The following KIF26B variants were observed in gnomAD, a reference collection of about 807,000 sequenced individuals.
The protein encoded by KIF26B is kinesin-like protein KIF26B.
A neutral mutation model predicts 151.2 loss-of-function variants in KIF26B; 63 were observed. The observed-to-expected ratio is 0.42, with a 90% CI of 0.34 to 0.51. The LOEUF is 0.51. KIF26B is among the 20% of genes least tolerant of loss of function. KIF26B has a pLI of 0.07. For missense variants in KIF26B, 2,813 were observed against 2,913.6 expected (o/e 0.97, Z 0.79); for synonymous variants, 1,357 against 1,262.1 (o/e 1.08, Z -1.59).
rs557892036 is a variant in KIF26B at position 245,556,224 on chromosome 1, CTCT to C, written c.1350+15289_1350+15291del. 2.3e-3 allele frequency among the ~76,000 whole-genome samples: 352 copies of C among 150,260 alleles called. 3 individuals are homozygous for C. The South Asian group carries it at 0.032, about 14-fold the overall frequency. The stretch of plus-strand genomic sequence containing the variant: ...CAATCTCTTCTTCTTCCTCCTCCTC[CTCT>C]TCTTCTTCTTCTTCCTCCTTCTTCC... On this transcript the variant is annotated intron_variant, in intron 5 of 14. Transcript: ENST00000407071.
At chr1:245,662,551 GATAT>G in intron 10 of KIF26B, among the ~76,000 whole-genome samples, 1 of 77,134 alleles carries the variant, frequency 1.3e-5, no homozygotes, top group South Asian at 4.9e-4. Flanking sequence ...CACACCCAAT[GATAT>G]ATATATACAC....
At chr1:245,661,599 A>G (rs2044140037) in intron 10 of KIF26B, among the ~76,000 whole-genome samples, 1 of 151,432 alleles carries the variant, frequency 6.6e-6, no homozygotes, top group Admixed American at 6.6e-5. Flanking sequence ...ATATATATAC[A>G]CCCAATGATA....
chr1:245,255,957 A>G (rs1227222176), intron 2 of KIF26B, among the ~76,000 whole-genome samples: 1 of 152,188 alleles, frequency 6.6e-6, no homozygotes, highest in Non-Finnish European at 1.5e-5. Flanking sequence ...CTTCCTTGAG[A>G]AGTAGAAATG....
Position 245,156,387 on chromosome 1 carries a change from G to A in KIF26B, c.169G>A (p.Glu57Lys). Residue 57 changes from glutamate to lysine, a missense_variant, in exon 2 of 15, where the codon GAG (glutamate) becomes AAG (lysine). Physicochemically the swap from Glu to Lys is moderately conservative, Grantham distance 56. Transcript: ENST00000407071. The stretch of plus-strand genomic sequence containing the variant: ...GCGCGCCGGCAGCCGGCCCACTCCT[G>A]AGGGCGCGGGCTCAGCGCTCGGCTC... ...ESRAGSRPTP[E>K]GAGSALGSSG... The A allele has an allele frequency of 6.5e-7, 1 of 1,542,054 alleles. No homozygotes were observed. Among genetic ancestry groups the A allele is most frequent in the Non-Finnish European group, 8.7e-7 (1 of 1,144,262 alleles).
At chr1:245,207,501 T>TA (rs1205426513) in intron 2 of KIF26B, among the ~76,000 whole-genome samples, 1 of 152,136 alleles carries the variant, frequency 6.6e-6, no homozygotes. Context: ...GATAAGGACT[T>TA]ACAAGGGACT....
intron 2 of KIF26B, among the ~76,000 whole-genome samples, chr1:245,346,924 C>A (rs969297272): frequency 6.6e-6 from 1 of 152,198 alleles, no homozygotes; most frequent in Non-Finnish European, 1.5e-5. Context: ...AGTTTGGAGT[C>A]CTTGATTATC....
intron 2 of KIF26B, among the ~76,000 whole-genome samples, chr1:245,224,626 T>C (rs1367728896): frequency 1.3e-5 from 2 of 152,230 alleles, no homozygotes; most frequent in Non-Finnish European, 2.9e-5. Context: ...TCCCAATAAC[T>C]AACAATTTTT....
At chr1:245,648,286 T>G (rs2043975350) in intron 10 of KIF26B, among the ~76,000 whole-genome samples, 1 of 152,220 alleles carries the variant, frequency 6.6e-6, no homozygotes, top group Non-Finnish European at 1.5e-5. Flanking sequence ...CATGAAATTA[T>G]TTTTAATTTA....
At chr1:245,191,050 A>G (rs1669099028) in intron 2 of KIF26B, among the ~76,000 whole-genome samples, 2 of 113,344 alleles carry the variant, frequency 1.8e-5, no homozygotes, top group South Asian at 7.4e-4. Flanking sequence ...CAAGAGCAAG[A>G]CTCTGTCTCA....
chr1:245,609,079 GT>G (rs2103151867), intron 7 of KIF26B, among the ~76,000 whole-genome samples, 186 bp from the exon 8 acceptor site: 1 of 152,250 alleles, frequency 6.6e-6, no homozygotes, highest in East Asian at 1.9e-4. Context: ...TAGCCATTTA[GT>G]TAGTAATACC....
chr1:245,338,142 T>G (rs1426473430), intron 2 of KIF26B, among the ~76,000 whole-genome samples: 1 of 152,184 alleles, frequency 6.6e-6, no homozygotes. Context: ...CGCTGAATCA[T>G]CAAAAGCTTG....
Position 245,564,399 on chromosome 1 carries a change from TGTTTG to T in KIF26B, c.1350+23450_1350+23454del. ...CGGAGCAGGAACGGGGCCACGGCCG[TGTTTG>T]CATTTTCTGAACCCAGGATGGTGCC... On this transcript the variant is annotated intron_variant, in intron 5 of 14. Coordinates refer to ENST00000407071, the MANE Select transcript of KIF26B (RefSeq NM_018012.4). This position sits in a 1 kb window ranked among gnomAD's most constrained non-coding sequence, Gnocchi z 4.6. Among the ~76,000 whole-genome samples, 1 of 147,258 alleles carries T rather than the reference TGTTTG, an allele frequency of 6.8e-6. No homozygotes were observed. The highest frequency in any genetic ancestry group is 1.9e-4 in the East Asian group (1 of 5,188).
At chr1:245,627,487 T>C (rs1011137235) in intron 9 of KIF26B, among the ~76,000 whole-genome samples, 2 of 151,774 alleles carry the variant, frequency 1.3e-5, no homozygotes, top group East Asian at 3.9e-4. Context: ...GCTAAAGCAG[T>C]GTTAGAGGGA....
chr1:245,642,547 C>G (rs138327369), intron 9 of KIF26B, among the ~76,000 whole-genome samples: 5 of 117,564 alleles, frequency 4.3e-5, no homozygotes, highest in African/African-American at 1.7e-4. Context: ...GGGGACAGAG[C>G]GAGACTCCGT....
intron 2 of KIF26B, among the ~76,000 whole-genome samples, chr1:245,169,694 TTGGGGGAAGGAAG>T (rs1668677907): frequency 6.6e-6 from 1 of 152,104 alleles, no homozygotes; most frequent in African/African-American, 2.4e-5. Context: ...AGGCATCCAC[TTGGGGGAAGGAAG>T]TTGCCCGGCT....
intron 2 of KIF26B, among the ~76,000 whole-genome samples, chr1:245,302,988 C>CAAAAAAAAAAAAAAAAAAAAAAAA (rs74163037): frequency 2.8e-5 from 1 of 35,816 alleles, no homozygotes; most frequent in African/African-American, 1.2e-4. Flanking sequence ...GACTCTGTCT[C>CAAAAAAAAAAAAAAAAAAAAAAAA]AAAAAAAAAA....
In KIF26B at chr1:245,688,190, G is replaced by A; in HGVS notation, c.5207G>A (p.Ser1736Asn). 4 of 1,597,392 alleles carry A rather than the reference G, an allele frequency of 2.5e-6. No homozygotes were observed. The highest frequency in any genetic ancestry group is 3.4e-6 in the Non-Finnish European group (4 of 1,178,310). The change falls in exon 12 of 15, where the codon AGC (serine) becomes AAC (asparagine). Residue 1736 changes from serine to asparagine, a missense_variant. This residue lies in a region of KIF26B where 2,060 missense variants were observed against 2,088.6 expected (regional missense o/e 0.99). Coordinates refer to ENST00000407071, the MANE Select transcript of KIF26B (RefSeq NM_018012.4). ...GGCCAGTCCAAGATCTCCGCCGTGA[G>A]CAGACTCCTCCTGGCCAGCCCCAGA... The part of the protein sequence containing the change: ...KAGQSKISAV[S>N]RLLLASPRAR...
At chr1:245,272,609 G>A (rs1670872601) in intron 2 of KIF26B, among the ~76,000 whole-genome samples, 1 of 151,750 alleles carries the variant, frequency 6.6e-6, no homozygotes, top group Non-Finnish European at 1.5e-5. Context: ...CAGTTATAAA[G>A]TTGGGTTGTT....
chr1:245,296,623 T>C (rs1671341661), intron 2 of KIF26B, among the ~76,000 whole-genome samples: 1 of 152,210 alleles, frequency 6.6e-6, no homozygotes, highest in African/African-American at 2.4e-5. Flanking sequence ...ATGCCCAGAA[T>C]GTTAGGAACA....
Sources: gnomAD v4.1 joint callset for allele counts (sites outside exome capture counted in the v4.1 genomes callset) on GRCh38, gnomAD v4.1.1 for gene constraint, gnomAD v4.1.1 regional missense constraint, Gnocchi (gnomAD v3.1) non-coding constraint, MANE v1.5 for transcripts, NCBI Gene and HGNC (gene_info 2026-07-23, HGNC 2026-07-21) for gene names.